Variants in CACNA1C observed in about 807,000 individuals in gnomAD.
CACNA1C encodes voltage-dependent L-type calcium channel subunit alpha-1C.
A neutral mutation model predicts 229.0 loss-of-function variants in CACNA1C; 30 were observed. The observed-to-expected ratio is 0.13, with a 90% CI of 0.10 to 0.18. The LOEUF is 0.18. CACNA1C is among the 10% of genes least tolerant of loss of function. CACNA1C has a pLI of 1.00. For missense variants in CACNA1C, 1,658 were observed against 2,845.0 expected (o/e 0.58, Z 9.49); for synonymous variants, 1,114 against 1,132.5 (o/e 0.98, Z 0.33).
chr12:2,006,160 A>G (rs2043392369), intron 1 of CACNA1C, among the ~76,000 whole-genome samples: 1 of 152,218 alleles, frequency 6.6e-6, no homozygotes, highest in Non-Finnish European at 1.5e-5. Flanking sequence ...CTGTAATCCC[A>G]GCACTTTGGG....
Position 2,034,663 on chromosome 12 carries a change from T to C in CACNA1C, c.139+63462T>C, listed in dbSNP as rs1322109725. Reference sequence around the variant, plus strand: ...GACGACTTTGAAATAATTCGAGGGCTAACTGGCTCATCTAGTGTGATTTAA... The same window carrying C: ...GACGACTTTGAAATAATTCGAGGGCCAACTGGCTCATCTAGTGTGATTTAA... On this transcript the variant is annotated intron_variant, in intron 1 of 46. Coordinates refer to the CACNA1C transcript ENST00000682462. This position sits in a 1 kb window ranked among gnomAD's most constrained non-coding sequence, Gnocchi z 4.1. Among the ~76,000 whole-genome samples, 1 of 152,238 alleles carries C rather than the reference T, an allele frequency of 6.6e-6. No homozygotes were observed. Among genetic ancestry groups the C allele is most frequent in the Non-Finnish European group, 1.5e-5 (1 of 68,032 alleles).
chr12:2,016,067 C>G (rs1353172697), intron 1 of CACNA1C, among the ~76,000 whole-genome samples: 3 of 152,084 alleles, frequency 2.0e-5, no homozygotes, highest in Non-Finnish European at 2.9e-5. Context: ...TTATAATGAC[C>G]AATTCAGTGG....
chr12:2,121,762 G>C (rs2086859779), intron 3 of CACNA1C, among the ~76,000 whole-genome samples: 1 of 152,186 alleles, frequency 6.6e-6, no homozygotes, highest in South Asian at 2.1e-4. Flanking sequence ...TCCTTCCCTT[G>C]GTTCCATTTC....
Position 2,572,467 on chromosome 12 carries a change from T to A in CACNA1C, c.1895+4673T>A, listed in dbSNP as rs1484072650. Among the ~76,000 whole-genome samples, 172 of 37,834 alleles carry A rather than the reference T, an allele frequency of 4.5e-3. 3 individuals are homozygous for A. Among genetic ancestry groups the A allele is most frequent in the African/African-American group, 0.019 (165 of 8,514 alleles). The allele number at this position is 37,834 out of a possible 152,430, so 24.8% of individuals were successfully genotyped here. A position where few individuals can be genotyped will look rare whatever the true frequency, so the allele number is the denominator to read the frequency against. The stretch of plus-strand genomic sequence containing the variant: ...CCTTCTCCTCTTCCTCCTCCTCCTC[T>A]TCCTCCTTCTCCTCTTCCTCCTCCT... On this transcript the variant is annotated intron_variant, in intron 13 of 46. Transcript: ENST00000399655.
At chr12:2,171,303 C>G (rs1022196978) in intron 3 of CACNA1C, among the ~76,000 whole-genome samples, 1 of 152,078 alleles carries the variant, frequency 6.6e-6, no homozygotes, top group Admixed American at 6.5e-5. Flanking sequence ...GACCTTTGTT[C>G]GCCTGAGTCC....
At chr12:2,232,694 ATTGTCCT>A (rs1156766887) in intron 3 of CACNA1C, among the ~76,000 whole-genome samples, 3 of 151,928 alleles carry the variant, frequency 2.0e-5, no homozygotes, top group Admixed American at 6.5e-5. Context: ...TGATTTTTCT[ATTGTCCT>A]TTTTGCCTCC....
At chr12:2,202,830 C>T (rs1184221680) in intron 3 of CACNA1C, among the ~76,000 whole-genome samples, 1 of 152,130 alleles carries the variant, frequency 6.6e-6, no homozygotes, top group East Asian at 1.9e-4. Context: ...GGATAAAGGA[C>T]CCTGGGCCTT....
At chr12:2,202,697 C>T (rs913645724) in intron 3 of CACNA1C, among the ~76,000 whole-genome samples, 3 of 152,258 alleles carry the variant, frequency 2.0e-5, no homozygotes, top group Middle Eastern at 3.4e-3. Flanking sequence ...ACTTGCTTCA[C>T]GTGGGAAGGA....
intron 1 of CACNA1C, among the ~76,000 whole-genome samples, chr12:2,006,093 TTC>T (rs1375746821): frequency 2.0e-5 from 3 of 152,214 alleles, no homozygotes; most frequent in Admixed American, 6.5e-5. Flanking sequence ...TAAACAAAAG[TTC>T]TCTGAGGGAG....
chr12:2,300,999 C>A (rs893985894), intron 3 of CACNA1C, among the ~76,000 whole-genome samples: 3 of 152,192 alleles, frequency 2.0e-5, no homozygotes, highest in Non-Finnish European at 1.5e-5. Flanking sequence ...AGCTGCACAG[C>A]CACTTATAAC....
chr12:2,684,168 G>A (rs1415893026), intron 43 of CACNA1C, among the ~76,000 whole-genome samples: 1 of 152,210 alleles, frequency 6.6e-6, no homozygotes, highest in African/African-American at 2.4e-5. Flanking sequence ...AACTGGATGG[G>A]AAGAGTAGCA....
intron 3 of CACNA1C, among the ~76,000 whole-genome samples, chr12:2,413,285 G>A (rs937156537): frequency 1.3e-5 from 2 of 152,228 alleles, no homozygotes; most frequent in Non-Finnish European, 2.9e-5. Context: ...CCAAAATGGT[G>A]GGATTACAGG....
At position 2,623,782 on chromosome 12, in the gene CACNA1C, G is replaced by A. The variant is rs995208515; in HGVS notation, c.3829-10515G>A. 3.9e-5 allele frequency among the ~76,000 whole-genome samples: 6 copies of A among 152,080 alleles called. 1 individual carries two copies. Among genetic ancestry groups the A allele is most frequent in the East Asian group, 1.9e-4 (1 of 5,178 alleles). On this transcript the variant is annotated intron_variant, in intron 29 of 46. Coordinates refer to ENST00000399655, the MANE Select transcript of CACNA1C (RefSeq NM_000719.7). ...AGCTTCCTCTGGGGTGCCCCTCCTC[G>A]CAAAAGTGACTCCAGCCCCTGGCTC...
intron 3 of CACNA1C, among the ~76,000 whole-genome samples, chr12:2,317,241 C>A (rs2095742227): frequency 6.6e-6 from 1 of 152,152 alleles, no homozygotes; most frequent in Admixed American, 6.5e-5. Flanking sequence ...TCACAAAAGC[C>A]AAAACGTGAG....
intron 3 of CACNA1C, among the ~76,000 whole-genome samples, chr12:2,406,866 A>G (rs2098743182): frequency 6.6e-6 from 1 of 152,216 alleles, no homozygotes; most frequent in Non-Finnish European, 1.5e-5. Context: ...TCTGGGTATT[A>G]TGCAGCTCCG....
intron 3 of CACNA1C, among the ~76,000 whole-genome samples, chr12:2,173,285 T>C (rs2096550468): frequency 6.6e-6 from 1 of 152,150 alleles, no homozygotes. Flanking sequence ...CATTACTTAG[T>C]CAGTTCTCCA....
intron 29 of CACNA1C, among the ~76,000 whole-genome samples, chr12:2,625,101 G>GC (rs954493742): frequency 6.7e-6 from 1 of 148,846 alleles, no homozygotes; most frequent in Non-Finnish European, 1.5e-5. Context: ...CGCTCCCCCC[G>GC]CCCCCCATGG....
At chr12:2,284,371 C>A (rs151256397) in intron 3 of CACNA1C, among the ~76,000 whole-genome samples, 4 of 148,888 alleles carry the variant, frequency 2.7e-5, no homozygotes, top group Non-Finnish European at 3.0e-5. Flanking sequence ...AAGTTTCTTG[C>A]GGTTTTAGTT....
chr12:2,573,708 G>T (rs2057293346), intron 13 of CACNA1C, among the ~76,000 whole-genome samples: 1 of 152,214 alleles, frequency 6.6e-6, no homozygotes, highest in Admixed American at 6.5e-5. Context: ...GCTGGATAGT[G>T]ATAGCAAATA....
Sources: allele counts gnomAD v4.1 joint callset (sites outside exome capture counted in the v4.1 genomes callset), GRCh38; gene constraint gnomAD v4.1.1; non-coding constraint Gnocchi (gnomAD v3.1); transcripts MANE v1.5; gene names NCBI Gene and HGNC (gene_info 2026-07-23, HGNC 2026-07-21).